The following PRR5L variants were observed in gnomAD, a reference collection of about 807,000 sequenced individuals.
PRR5L encodes proline rich 5 like, also known as proline-rich protein 5-like.
Under a neutral mutation model 36.4 loss-of-function variants are expected in PRR5L, and 21 were observed. The observed-to-expected ratio is 0.58, with a 90% CI of 0.41 to 0.83. The LOEUF (loss-of-function observed/expected upper bound fraction) is 0.83, where lower values mean the gene tolerates loss of function less well. Ranked by LOEUF, PRR5L falls within the 40% of genes least tolerant of loss-of-function variation. PRR5L has a pLI of 0.00. For missense variants in PRR5L, 381 were observed against 473.3 expected, an observed-to-expected ratio of 0.80 and a Z score of 1.81; for synonymous variants, 188 against 197.0, an observed-to-expected ratio of 0.95 and a Z score of 0.38.
chr11:36,426,392 G>A (rs1858383006), intron 4 of PRR5L, among the ~76,000 whole-genome samples: 1 of 152,194 alleles, frequency 6.6e-6, no homozygotes, highest in South Asian at 2.1e-4. Context: ...CTGATGCTCA[G>A]TTTTCTTAAT....
intron 1 of PRR5L, among the ~76,000 whole-genome samples, chr11:36,321,959 C>T (rs1856617678): frequency 1.3e-5 from 2 of 152,072 alleles, no homozygotes; most frequent in African/African-American, 2.4e-5. Flanking sequence ...TATTTAATGT[C>T]GTTTTATCTT....
Position 36,446,357 on chromosome 11 carries a change from C to T in PRR5L, c.502C>T (p.Leu168=). Residue 168 remains leucine (L), a synonymous_variant, in exon 7 of 9, where the codon CTG becomes TTG. Transcript: ENST00000530639. ...SLLGFRDLVL[L]KVKLGDLLLL... ...GCTGGGCTTCCGAGACCTAGTCTTG[C>T]TGAAGGTGAAGCTGGGTGACCTGCT... is the stretch of plus-strand genomic sequence containing the variant. The T allele has an allele frequency of 6.2e-7, 1 of 1,614,148 alleles. No homozygotes were observed. The highest frequency in any genetic ancestry group is 1.3e-5 in the African/African-American group (1 of 75,036).
intron 3 of PRR5L, among the ~76,000 whole-genome samples, chr11:36,418,527 T>C (rs1204365927): frequency 6.6e-6 from 1 of 152,058 alleles, no homozygotes. Flanking sequence ...CTACCCGCGG[T>C]GGCTCACACC....
intron 4 of PRR5L, among the ~76,000 whole-genome samples, chr11:36,428,509 A>G (rs1362644371): frequency 6.6e-6 from 1 of 152,120 alleles, no homozygotes; most frequent in Non-Finnish European, 1.5e-5. Flanking sequence ...TGGAGCATGA[A>G]TGGATGGGCA....
intron 1 of PRR5L, among the ~76,000 whole-genome samples, chr11:36,297,076 T>G (rs1249143201): frequency 4.6e-5 from 7 of 152,230 alleles, no homozygotes; most frequent in Non-Finnish European, 8.8e-5. Flanking sequence ...ATAGATACTT[T>G]ATGATCTCTA....
intron 1 of PRR5L, among the ~76,000 whole-genome samples, chr11:36,359,677 C>T (rs932896193): frequency 3.3e-5 from 5 of 152,208 alleles, no homozygotes; most frequent in South Asian, 2.1e-4. Context: ...CCCAAAGGAG[C>T]GGATCAACAG....
intron 1 of PRR5L, among the ~76,000 whole-genome samples, chr11:36,368,985 G>A (rs754062900): frequency 7.2e-5 from 11 of 152,284 alleles, no homozygotes; most frequent in Admixed American, 1.3e-4. Flanking sequence ...GTACATAAAG[G>A]CAAAGGAAAT....
intron 1 of PRR5L, among the ~76,000 whole-genome samples, chr11:36,390,547 G>T (rs1445490067): frequency 4.5e-4 from 69 of 152,174 alleles, no homozygotes; most frequent in Non-Finnish European, 1.5e-5. Flanking sequence ...TAAACACTCT[G>T]TACCTCCATT....
chr11:36,375,234 CAA>C (rs35932528), intron 1 of PRR5L, among the ~76,000 whole-genome samples: 422 of 140,424 alleles, frequency 3.0e-3, no homozygotes, highest in Non-Finnish European at 3.4e-3. Context: ...GAAACTGTCT[CAA>C]AAAAAAAAAA....
intron 1 of PRR5L, among the ~76,000 whole-genome samples, chr11:36,301,855 T>C (rs1026315703): frequency 1.3e-5 from 2 of 152,204 alleles, no homozygotes; most frequent in African/African-American, 2.4e-5. Context: ...GTGATGAAAT[T>C]ATTGTGTTTT....
intron 1 of PRR5L, among the ~76,000 whole-genome samples, chr11:36,316,416 A>C (rs1438240242): frequency 6.6e-6 from 1 of 152,198 alleles, no homozygotes; most frequent in African/African-American, 2.4e-5. Flanking sequence ...CAGGAGACCA[A>C]GGTTTTATTA....
intron 1 of PRR5L, among the ~76,000 whole-genome samples, chr11:36,299,928 G>A (rs1023985594): frequency 2.0e-5 from 3 of 152,146 alleles, no homozygotes; most frequent in Non-Finnish European, 4.4e-5. Context: ...TGCACCACTT[G>A]TGATGCAGGG....
chr11:36,361,982 A>G (rs375446580), intron 1 of PRR5L: 22 of 150,500 alleles, frequency 1.5e-4, no homozygotes, highest in African/African-American at 5.1e-4. Flanking sequence ...GGAGGATGCT[A>G]GTAGAGAGAG....
At chr11:36,374,237 G>A (rs1425903345) in intron 1 of PRR5L, among the ~76,000 whole-genome samples, 10 of 151,978 alleles carry the variant, frequency 6.6e-5, no homozygotes, top group Admixed American at 6.5e-4. Context: ...TGGGATTACA[G>A]GCACCCGCCA....
chr11:36,408,899 C>T (rs1408900047), intron 3 of PRR5L, among the ~76,000 whole-genome samples: 2 of 152,096 alleles, frequency 1.3e-5, no homozygotes, highest in South Asian at 2.1e-4. Flanking sequence ...GTGTGTGTGT[C>T]GAAGCAGGGG....
chr11:36,409,540 G>T (rs770729056), intron 3 of PRR5L, among the ~76,000 whole-genome samples: 1 of 152,144 alleles, frequency 6.6e-6, no homozygotes, highest in Non-Finnish European at 1.5e-5. Flanking sequence ...ATCCACCTCC[G>T]ATTTTTCCAT....
In PRR5L at chr11:36,347,460, G is replaced by C. The variant is rs558137209; in HGVS notation, c.-126+51022G>C. Among the ~76,000 whole-genome samples the C allele has an allele frequency of 3.3e-5, 5 of 152,074 alleles. No homozygotes were observed. In the East Asian group the frequency reaches 9.7e-4, roughly 29 times the overall value. On this transcript the variant is annotated intron_variant, in intron 1 of 8. Transcript: ENST00000530639. ...AGAGGGGACAGTCCCAGTGTTTTTT[G>C]CAACAGTCAAACCATATCTAGGACT...
chr11:36,451,869 G>A (rs576796057), intron 8 of PRR5L, among the ~76,000 whole-genome samples: 2 of 152,206 alleles, frequency 1.3e-5, no homozygotes, highest in Non-Finnish European at 2.9e-5. Context: ...AATCCTGTTG[G>A]GGCCTTTTTT....
At chr11:36,425,957 A>C (rs1170437029) in intron 4 of PRR5L, 1 of 152,270 alleles carries the variant, frequency 6.6e-6, no homozygotes, top group African/African-American at 2.4e-5. Context: ...AAGGCAGAGC[A>C]ACACAGCTGC....
Sources: allele counts gnomAD v4.1 joint callset (sites outside exome capture counted in the v4.1 genomes callset), GRCh38; gene constraint gnomAD v4.1.1; transcripts MANE v1.5; gene names NCBI Gene and HGNC (gene_info 2026-07-23, HGNC 2026-07-21).